Variants in NRXN1 observed in about 807,000 individuals in gnomAD.
The protein encoded by NRXN1 is neurexin-1.
Under a neutral mutation model 150.9 loss-of-function variants are expected in NRXN1, and 39 were observed. That is an observed-to-expected ratio of 0.26 (90% CI 0.20 to 0.34). The LOEUF is 0.34. Ranked by LOEUF, NRXN1 falls within the 10% of genes least tolerant of loss-of-function variation. The pLI, the probability that NRXN1 is intolerant of heterozygous loss-of-function variation, is 1.00. For missense variants in NRXN1, 1,815 were observed against 1,949.9 expected (o/e 0.93, Z 1.30); for synonymous variants, 924 against 757.0 (o/e 1.22, Z -3.62).
intron 8 of NRXN1, among the ~76,000 whole-genome samples, chr2:50,612,161 C>T (rs562141819): frequency 6.6e-6 from 1 of 152,106 alleles, no homozygotes; most frequent in Non-Finnish European, 1.5e-5. Context: ...AATTATTTTC[C>T]CCTAGGTCAG....
At chr2:49,952,193 C>A (rs1674089476) in intron 21 of NRXN1, among the ~76,000 whole-genome samples, 1 of 151,986 alleles carries the variant, frequency 6.6e-6, no homozygotes, top group Non-Finnish European at 1.5e-5. Flanking sequence ...ATCTATCCAT[C>A]CATCCCAAAC....
intron 17 of NRXN1, among the ~76,000 whole-genome samples, chr2:50,352,981 AACTTAGCTATT>A (rs1476149976): frequency 1.3e-5 from 2 of 151,976 alleles, no homozygotes; most frequent in Non-Finnish European, 2.9e-5. Context: ...GAATTCAGTC[AACTTAGCTATT>A]ACCTAGCACC....
intron 5 of NRXN1, among the ~76,000 whole-genome samples, chr2:50,664,429 G>C (rs1254057487): frequency 5.4e-5 from 8 of 146,920 alleles, no homozygotes; most frequent in Middle Eastern, 3.4e-3. Context: ...GTGTGTGTGT[G>C]TGTGTGTGTG....
chr2:50,340,593 T>C (rs1196997119), intron 17 of NRXN1, among the ~76,000 whole-genome samples: 2 of 152,040 alleles, frequency 1.3e-5, no homozygotes, highest in African/African-American at 4.8e-5. Flanking sequence ...CCAGTTACAA[T>C]ATGTTTAGAA....
intron 2 of NRXN1, among the ~76,000 whole-genome samples, chr2:50,975,929 C>CAAG (rs1400706219): frequency 1.3e-5 from 2 of 152,112 alleles, no homozygotes; most frequent in African/African-American, 4.8e-5. Context: ...GTTAGGAAGG[C>CAAG]AAGGAGAAGG....
At chr2:50,887,039 T>C (rs1466196284) in intron 5 of NRXN1, among the ~76,000 whole-genome samples, 3 of 151,440 alleles carry the variant, frequency 2.0e-5, no homozygotes, top group African/African-American at 7.2e-5. Context: ...TAATGTATAG[T>C]TGTTAGTCTT....
At chr2:50,724,081 G>A (rs1697016917) in intron 5 of NRXN1, among the ~76,000 whole-genome samples, 1 of 152,038 alleles carries the variant, frequency 6.6e-6, no homozygotes, top group South Asian at 2.1e-4. Flanking sequence ...TATTACTTTT[G>A]TAATACTAAA....
intron 5 of NRXN1, among the ~76,000 whole-genome samples, chr2:50,850,757 C>A (rs1674404813): frequency 6.6e-6 from 1 of 151,190 alleles, no homozygotes. Flanking sequence ...TTTTTTTCCA[C>A]ACATTTGAGT....
chr2:49,969,140 T>G (rs926733898), intron 21 of NRXN1, among the ~76,000 whole-genome samples: 5 of 152,146 alleles, frequency 3.3e-5, no homozygotes, highest in Non-Finnish European at 7.4e-5. Context: ...GCTTGCTATA[T>G]GTACTTTTAA....
intron 17 of NRXN1, among the ~76,000 whole-genome samples, chr2:50,243,487 A>C (rs2066221517): frequency 1.3e-5 from 2 of 151,826 alleles, no homozygotes; most frequent in South Asian, 2.1e-4. Flanking sequence ...AGTCAAATGC[A>C]AACTGAGCAA....
intron 17 of NRXN1, among the ~76,000 whole-genome samples, chr2:50,364,433 A>G (rs2079442937): frequency 1.3e-5 from 2 of 152,158 alleles, no homozygotes; most frequent in Admixed American, 1.3e-4. Flanking sequence ...CCAGTTTTGG[A>G]GCATGTGTGA....
At chr2:50,527,504 A>G (rs915201803) in intron 12 of NRXN1, among the ~76,000 whole-genome samples, 1 of 152,196 alleles carries the variant, frequency 6.6e-6, no homozygotes, top group Non-Finnish European at 1.5e-5. Flanking sequence ...AATTTTTAAT[A>G]AGTCATCATT....
chr2:49,926,738 ATTAT>A (rs1455993684), intron 22 of NRXN1, among the ~76,000 whole-genome samples: 2 of 152,170 alleles, frequency 1.3e-5, no homozygotes, highest in Non-Finnish European at 2.9e-5. Context: ...CGCCCTATGT[ATTAT>A]TTATTTATTT....
chr2:50,977,807 A>G (rs2104846602), intron 2 of NRXN1, among the ~76,000 whole-genome samples: 1 of 151,958 alleles, frequency 6.6e-6, no homozygotes, highest in East Asian at 1.9e-4. Flanking sequence ...AAAAAGTCAT[A>G]TCATAAATGA....
At chr2:50,355,696 G>C (rs2078753245) in intron 17 of NRXN1, among the ~76,000 whole-genome samples, 1 of 151,958 alleles carries the variant, frequency 6.6e-6, no homozygotes, top group African/African-American at 2.4e-5. Flanking sequence ...AAAAATTTCT[G>C]AACTCTGTCA....
At chr2:50,418,288 G>C (rs1287654635) in intron 17 of NRXN1, among the ~76,000 whole-genome samples, 1 of 151,958 alleles carries the variant, frequency 6.6e-6, no homozygotes, top group East Asian at 1.9e-4. Context: ...CACCAAGAAT[G>C]AATGTGCAAC....
At chr2:50,164,815 G>C (rs376356219) in intron 18 of NRXN1, among the ~76,000 whole-genome samples, 1 of 152,008 alleles carries the variant, frequency 6.6e-6, no homozygotes, top group African/African-American at 2.4e-5. Flanking sequence ...TCCGTTCTCC[G>C]TCAAAACACC....
In NRXN1 at chr2:50,739,257, G is replaced by C. The variant is rs765273409; in HGVS notation, c.833-115642C>G. On this transcript the variant is annotated intron_variant, in intron 5 of 22. Coordinates refer to ENST00000401669, the MANE Select transcript of NRXN1 (RefSeq NM_001330078.2). ...TTCATTGAGGATATTTTATTAATGA[G>C]ACTTACTTTTTGATTAAAAAGTATG... The C allele has an allele frequency of 2.2e-5, 11 of 506,852 alleles. No individual in the cohort carries two copies. In the East Asian group the frequency reaches 3.9e-4, roughly 18 times the overall value. The allele number at this position is 506,852 out of a possible 1,614,324, so 31.4% of individuals were successfully genotyped here. A position where few individuals can be genotyped will look rare whatever the true frequency, so the allele number is the denominator to read the frequency against.
At chr2:50,636,387 T>C (rs890911414) in intron 5 of NRXN1, among the ~76,000 whole-genome samples, 17 of 152,168 alleles carry the variant, frequency 1.1e-4, no homozygotes, top group African/African-American at 4.1e-4. Context: ...TTTTCCCTCC[T>C]GGCAAAGTGA....
Sources: gnomAD v4.1 joint callset for allele counts (sites outside exome capture counted in the v4.1 genomes callset) on GRCh38, gnomAD v4.1.1 for gene constraint, MANE v1.5 for transcripts, NCBI Gene and HGNC (gene_info 2026-07-23, HGNC 2026-07-21) for gene names.